Variants in PTK2 observed in about 807,000 individuals in gnomAD.
PTK2 encodes focal adhesion kinase 1.
Under a neutral mutation model 150.1 loss-of-function variants are expected in PTK2, and 45 were observed. The ratio of observed to expected loss-of-function variants is 0.30; its 90% CI spans 0.24 to 0.38. The LOEUF (loss-of-function observed/expected upper bound fraction) is 0.38, where lower values mean the gene tolerates loss of function less well. Among genes scored for constraint, PTK2 ranks in the 10% least tolerant of loss-of-function variants. The pLI is 1.00. For synonymous variants in PTK2, 432 were observed against 449.2 expected (o/e 0.96, Z 0.48); for missense variants, 919 against 1,307.3 (o/e 0.70, Z 4.58).
intron 2 of PTK2, among the ~76,000 whole-genome samples, chr8:140,916,720 A>G (rs1324256292): frequency 1.3e-5 from 2 of 152,204 alleles, no homozygotes; most frequent in Non-Finnish European, 2.9e-5. Context: ...AATTACACAA[A>G]AAAGAAAATT....
chr8:140,708,377 C>T (rs1337416210), intron 23 of PTK2, among the ~76,000 whole-genome samples: 2 of 152,148 alleles, frequency 1.3e-5, no homozygotes, highest in Non-Finnish European at 2.9e-5. Context: ...CTGATCCTTT[C>T]AGTCTTTTAG....
In PTK2 at chr8:140,879,802, A is replaced by C. The variant is rs527545723; in HGVS notation, c.196-165T>G. On this transcript the variant is annotated intron_variant, in intron 3 of 31. Coordinates refer to ENST00000522684, the Ensembl canonical transcript of PTK2. ...ATTATCAGAAATCTTTGGTATGAGA[A>C]TATCAAGTTAAATAAATTACTTAGG... Among the ~76,000 whole-genome samples, 3 of 152,150 alleles carry C rather than the reference A, an allele frequency of 2.0e-5. No individual in the cohort carries two copies. In the East Asian group the frequency reaches 5.8e-4, roughly 29 times the overall value.
At chr8:140,746,622 G>T in intron 18 of PTK2, 138 bp downstream of exon 21, 1 of 607,064 alleles carries the variant, frequency 1.6e-6, no homozygotes, top group Non-Finnish European at 2.8e-6. Flanking sequence ...CATATTCTCT[G>T]AACCAAAACC....
At chr8:140,961,939 T>C (rs938891380) in intron 1 of PTK2, among the ~76,000 whole-genome samples, 3 of 152,130 alleles carry the variant, frequency 2.0e-5, no homozygotes, top group Admixed American at 1.3e-4. Context: ...TTGCAATTTA[T>C]TGAGTTAGTA....
chr8:140,780,733 GATA>G (rs981967289), intron 14 of PTK2, among the ~76,000 whole-genome samples: 10 of 152,206 alleles, frequency 6.6e-5, no homozygotes, highest in Non-Finnish European at 1.5e-4. Flanking sequence ...CTGGATAGCT[GATA>G]ATGTTTTGTA....
intron 21 of PTK2, 49 bp downstream of exon 24, chr8:140,738,969 C>A: frequency 1.6e-6 from 2 of 1,280,724 alleles, no homozygotes; most frequent in East Asian, 2.6e-5. Flanking sequence ...TTTTGTATAA[C>A]ATATGAAATA....
At chr8:140,674,802 C>T (rs182488557) in intron 28 of PTK2, among the ~76,000 whole-genome samples, 91 of 151,746 alleles carry the variant, frequency 6.0e-4, no homozygotes, top group African/African-American at 2.1e-3. Flanking sequence ...ATCCCTAGCA[C>T]TTTGGGAGGC....
chr8:140,952,454 C>A lies in PTK2; in HGVS notation c.-121-26705G>T, dbSNP rs370489527. Among the ~76,000 whole-genome samples the A allele has an allele frequency of 1.7e-3, 254 of 152,242 alleles. 1 individual carries two copies. The highest frequency in any genetic ancestry group is 5.9e-3 in the African/African-American group (243 of 41,528). ...GGGACACAGGACCCAGACTTCTAGGCCTTGCAAAGAAATGGAAACTGTATG... is the reference window on the plus strand; with the variant it reads ...GGGACACAGGACCCAGACTTCTAGGACTTGCAAAGAAATGGAAACTGTATG... On this transcript the variant is annotated intron_variant, in intron 1 of 31. Transcript: ENST00000522684.
At chr8:140,664,096 G>A (rs1030868149) in intron 31 of PTK2, among the ~76,000 whole-genome samples, 4 of 152,028 alleles carry the variant, frequency 2.6e-5, no homozygotes, top group Non-Finnish European at 4.4e-5. Context: ...TCATTCTCCT[G>A]TCTCAGCCTC....
chr8:140,674,183 G>A (rs1337050723), intron 29 of PTK2, 115 bp downstream of exon 32: 1 of 1,052,116 alleles, frequency 9.5e-7, no homozygotes, highest in Non-Finnish European at 1.5e-6. Flanking sequence ...GTTCCACTCT[G>A]CACTGTTCTA....
intron 5 of PTK2, among the ~76,000 whole-genome samples, chr8:140,847,816 A>G (rs1016667806): frequency 6.6e-6 from 1 of 152,142 alleles, no homozygotes; most frequent in African/African-American, 2.4e-5. Context: ...TTCTTCAATG[A>G]CTGCCTCCTA....
chr8:140,935,742 C>T (rs549081460), intron 1 of PTK2, among the ~76,000 whole-genome samples: 4 of 129,156 alleles, frequency 3.1e-5, no homozygotes, highest in South Asian at 2.5e-4. Context: ...CTCTTTGCCT[C>T]GGCTCACTGC....
At chr8:140,701,689 C>A (rs2100030542) in intron 25 of PTK2, among the ~76,000 whole-genome samples, 1 of 152,194 alleles carries the variant, frequency 6.6e-6, no homozygotes, top group South Asian at 2.1e-4. Context: ...CATGTACATG[C>A]TGACGATAGT....
chr8:140,687,878 T>TGC (rs1049359735), intron 26 of PTK2, among the ~76,000 whole-genome samples: 54 of 152,168 alleles, frequency 3.5e-4, no homozygotes, highest in African/African-American at 1.3e-3. Context: ...CACTGTCCTT[T>TGC]GCCTTCTTCC....
chr8:140,699,715 C>T (rs1331340211), intron 26 of PTK2, among the ~76,000 whole-genome samples: 1 of 152,110 alleles, frequency 6.6e-6, no homozygotes, highest in African/African-American at 2.4e-5. Context: ...CAAACAAATG[C>T]TCATATTTCT....
At chr8:140,965,713 C>T (rs944143290) in intron 1 of PTK2, among the ~76,000 whole-genome samples, 2 of 152,102 alleles carry the variant, frequency 1.3e-5, no homozygotes, top group Non-Finnish European at 2.9e-5. Context: ...CCCGTCTCTA[C>T]TAAAAATACA....
chr8:140,927,702 T>C (rs1437025471), intron 1 of PTK2, among the ~76,000 whole-genome samples: 4 of 151,998 alleles, frequency 2.6e-5, no homozygotes, highest in Non-Finnish European at 5.9e-5. Context: ...ATGCCTGTAA[T>C]CCCAACACTT....
chr8:140,729,393 T>G (rs2100047876), intron 22 of PTK2, among the ~76,000 whole-genome samples: 2 of 152,206 alleles, frequency 1.3e-5, no homozygotes, highest in Non-Finnish European at 2.9e-5. Context: ...CTGGGTGACT[T>G]GTTCAAAACT....
intron 1 of PTK2, among the ~76,000 whole-genome samples, chr8:140,953,829 A>G (rs772712772): frequency 3.9e-5 from 6 of 152,176 alleles, no homozygotes; most frequent in Non-Finnish European, 8.8e-5. Context: ...TCTGTCACTC[A>G]GGCTGGAGTA....
Sources: gnomAD v4.1 joint callset for allele counts (sites outside exome capture counted in the v4.1 genomes callset) on GRCh38, gnomAD v4.1.1 for gene constraint, MANE v1.5 for transcripts, NCBI Gene and HGNC (gene_info 2026-07-23, HGNC 2026-07-21) for gene names.